The following PCLO variants were observed in gnomAD, a reference collection of about 807,000 sequenced individuals.
The protein encoded by PCLO is piccolo presynaptic cytomatrix protein.
In PCLO, 82 loss-of-function variants were observed where a neutral mutation model predicts 427.5. The ratio of observed to expected loss-of-function variants is 0.19; its 90% CI spans 0.16 to 0.23. The LOEUF is 0.23. Among genes scored for constraint, PCLO ranks in the 10% least tolerant of loss-of-function variants. The pLI, the probability that PCLO is intolerant of heterozygous loss-of-function variation, is 1.00. For synonymous variants in PCLO, 2,357 were observed against 2,155.4 expected (o/e 1.09, Z -2.59); for missense variants, 6,239 against 6,115.9 (o/e 1.02, Z -0.67).
intron 3 of PCLO, among the ~76,000 whole-genome samples, chr7:83,091,256 A>C (rs965886938): frequency 6.6e-6 from 1 of 152,188 alleles, no homozygotes; most frequent in Non-Finnish European, 1.5e-5. Flanking sequence ...TATGAAAGCT[A>C]GAAAATAACT....
chr7:82,878,705 T>C (rs1230764188), intron 10 of PCLO, among the ~76,000 whole-genome samples: 1 of 152,224 alleles, frequency 6.6e-6, no homozygotes, highest in Non-Finnish European at 1.5e-5. Flanking sequence ...ATGAGGCGAT[T>C]AGTATCTAAA....
At chr7:82,771,596 A>G (rs942395941) in intron 22 of PCLO, among the ~76,000 whole-genome samples, 2 of 152,054 alleles carry the variant, frequency 1.3e-5, no homozygotes, top group African/African-American at 4.8e-5. Context: ...AATACAGTAT[A>G]TATTACTACC....
chr7:83,130,922 A>C (rs1791555833), intron 3 of PCLO, among the ~76,000 whole-genome samples: 1 of 152,238 alleles, frequency 6.6e-6, no homozygotes, highest in Admixed American at 6.5e-5. Flanking sequence ...AAACATGAGG[A>C]AACATATTTA....
chr7:82,861,292 G>T (rs768437849), intron 10 of PCLO, among the ~76,000 whole-genome samples: 3 of 151,808 alleles, frequency 2.0e-5, no homozygotes, highest in Non-Finnish European at 4.4e-5. Flanking sequence ...AACCAAAAAT[G>T]GGAACCTAGA....
chr7:82,814,221 A>G (rs1304522421), intron 20 of PCLO, among the ~76,000 whole-genome samples: 1 of 151,706 alleles, frequency 6.6e-6, no homozygotes, highest in Non-Finnish European at 1.5e-5. Context: ...AAAAATTGCT[A>G]TATAAATTGA....
intron 3 of PCLO, among the ~76,000 whole-genome samples, chr7:83,032,351 T>C (rs745654104): frequency 6.6e-6 from 1 of 151,960 alleles, no homozygotes; most frequent in Non-Finnish European, 1.5e-5. Context: ...CTCTTCATCA[T>C]GGATACATTT....
At chr7:82,805,135 A>G (rs564320673) in intron 21 of PCLO, among the ~76,000 whole-genome samples, 1 of 151,872 alleles carries the variant, frequency 6.6e-6, no homozygotes, top group African/African-American at 2.4e-5. Flanking sequence ...TTATTCCAAG[A>G]GTACCTACTC....
chr7:83,006,079 A>T lies in PCLO; in HGVS notation c.3301-39592T>A, dbSNP rs574469852. Among the ~76,000 whole-genome samples, 101 of 151,780 alleles carry T rather than the reference A, an allele frequency of 6.7e-4. 5 individuals carry two copies. The South Asian group carries it at 0.021, about 31-fold the overall frequency. On this transcript the variant is annotated intron_variant, in intron 3 of 24. Coordinates refer to ENST00000333891, the MANE Select transcript of PCLO (RefSeq NM_033026.6). ...GTACGCAATGCATTTTATGGCTTTC[A>T]GTTAATACAATTAACAAGGTCCCCC...
intron 3 of PCLO, among the ~76,000 whole-genome samples, chr7:83,029,393 A>G (rs1179106417): frequency 6.7e-6 from 1 of 149,496 alleles, no homozygotes; most frequent in Non-Finnish European, 1.5e-5. Flanking sequence ...GAGAAATGCA[A>G]ATCAAAACCA....
intron 4 of PCLO, among the ~76,000 whole-genome samples, chr7:82,957,931 C>T (rs571252062): frequency 1.3e-5 from 2 of 152,196 alleles, no homozygotes; most frequent in South Asian, 2.1e-4. Flanking sequence ...ACAACAATTT[C>T]GATTCAAGAA....
chr7:82,916,622 A>G lies in PCLO; in HGVS notation c.11364T>C (p.Asp3788=). Residue 3788 remains aspartate (D), a synonymous_variant, in exon 7 of 25, where the codon GAT becomes GAC. Coordinates refer to ENST00000333891, the MANE Select transcript of PCLO (RefSeq NM_033026.6). ...AKLRKKQAEL[D]EEEKEIDAKL... is the part of the protein sequence containing the mutation. ...TAGCATCAATCTCCTTTTCTTCTTC[A>G]TCAAGCTCTGCTTGTTTCTTTCGAA... 1 of 1,613,430 alleles carries G rather than the reference A, an allele frequency of 6.2e-7. No individual in the cohort carries two copies. Among genetic ancestry groups the G allele is most frequent in the East Asian group, 2.2e-5 (1 of 44,812 alleles).
chr7:83,122,370 C>G (rs1436507518), intron 3 of PCLO, among the ~76,000 whole-genome samples: 1 of 150,592 alleles, frequency 6.6e-6, no homozygotes, highest in African/African-American at 2.4e-5. Flanking sequence ...ACTGCAACCT[C>G]TGACTCCCAG....
At chr7:83,152,370 A>G (rs1009026043) in intron 2 of PCLO, among the ~76,000 whole-genome samples, 1 of 152,152 alleles carries the variant, frequency 6.6e-6, no homozygotes, top group East Asian at 1.9e-4. Flanking sequence ...CAAATATTTG[A>G]TTCTCCCATA....
chr7:82,868,021 A>G (rs1284493332), intron 10 of PCLO: 2 of 389,052 alleles, frequency 5.1e-6, no homozygotes, highest in East Asian at 1.4e-4. Context: ...CTTCATATCA[A>G]CATGATATGT....
intron 3 of PCLO, among the ~76,000 whole-genome samples, chr7:83,068,607 C>T (rs572091755): frequency 7.9e-5 from 12 of 152,190 alleles, no homozygotes; most frequent in African/African-American, 2.9e-4. Context: ...GTTAGAATAG[C>T]TGTTATAAGA....
intron 22 of PCLO, among the ~76,000 whole-genome samples, chr7:82,789,707 A>G (rs1334002591): frequency 1.3e-5 from 2 of 152,198 alleles, no homozygotes; most frequent in Non-Finnish European, 2.9e-5. Flanking sequence ...TCTGTCTCAA[A>G]AAAAGAGAGC....
Position 82,916,366 on chromosome 7 carries a change from T to C in PCLO, c.11620A>G (p.Thr3874Ala). Residue 3874 changes from threonine to alanine, a missense_variant, in exon 7 of 25, where the codon ACA (threonine) becomes GCA (alanine). By Grantham distance (58) the Thr-to-Ala change is moderately conservative (BLOSUM62 0). Transcript: ENST00000333891. ...FSQFIPPQTQTESQLVPPTSP... is the reference protein window; with the variant it reads ...FSQFIPPQTQAESQLVPPTSP... ...GTCGGAGGAACTAGTTGAGATTCTG[T>C]TTGGGTTTGTGGTGGTATAAACTGG... 6.2e-7 allele frequency: 1 copy of C among 1,613,572 alleles called. No homozygotes were observed. Among genetic ancestry groups the C allele is most frequent in the Non-Finnish European group, 8.5e-7 (1 of 1,179,712 alleles).
Position 83,124,233 on chromosome 7 carries a change from C to T in PCLO, c.3300+10017G>A, listed in dbSNP as rs547034596. 2.1e-4 allele frequency among the ~76,000 whole-genome samples: 32 copies of T among 151,264 alleles called. 1 individual carries two copies. Among genetic ancestry groups the T allele is most frequent in the African/African-American group, 6.1e-4 (25 of 41,254 alleles). ...TCGGAAGGCTGAGGCAGGAGAATGG[C>T]GTGAACCAGGAAGGCGGAGCTTGCA... is the stretch of plus-strand genomic sequence containing the variant. On this transcript the variant is annotated intron_variant, in intron 3 of 24. Transcript: ENST00000333891.
At chr7:82,773,751 C>A (rs1360292515) in intron 22 of PCLO, among the ~76,000 whole-genome samples, 2 of 151,798 alleles carry the variant, frequency 1.3e-5, no homozygotes, top group Non-Finnish European at 1.5e-5. Flanking sequence ...CTTCAGTTCC[C>A]CTCTTCATTA....
Sources: gnomAD v4.1 joint callset for allele counts (sites outside exome capture counted in the v4.1 genomes callset) on GRCh38, gnomAD v4.1.1 for gene constraint, MANE v1.5 for transcripts, NCBI Gene and HGNC (gene_info 2026-07-23, HGNC 2026-07-21) for gene names.